Variants in AKAP9 observed in about 807,000 individuals in gnomAD.
The protein encoded by AKAP9 is A-kinase anchor protein 9.
AKAP9 carries 311 observed loss-of-function variants against 488.5 expected under a neutral mutation model. The ratio of observed to expected loss-of-function variants is 0.64; its 90% CI spans 0.58 to 0.70. AKAP9 has a LOEUF of 0.70. Among genes scored for constraint, AKAP9 ranks in the 30% least tolerant of loss-of-function variants. AKAP9 has a pLI of 0.00. For missense variants in AKAP9, 4,215 were observed against 4,374.5 expected, an observed-to-expected ratio of 0.96 and a Z score of 1.03; for synonymous variants, 1,462 against 1,483.5, an observed-to-expected ratio of 0.99 and a Z score of 0.33.
intron 12 of AKAP9, 89 bp from the exon 13 acceptor site, chr7:92,022,149 C>G: frequency 1.9e-6 from 2 of 1,030,470 alleles, no homozygotes; most frequent in Non-Finnish European, 1.5e-6. Flanking sequence ...TTTAAAAAAG[C>G]ATCTTAAATG....
chr7:91,955,831 G>A (rs150085255), intron 1 of AKAP9, among the ~76,000 whole-genome samples: 1,626 of 152,102 alleles, frequency 0.011, 25 homozygotes, highest in African/African-American at 0.037. Flanking sequence ...ACAGGGTCTC[G>A]CCGTGTTGGC....
intron 24 of AKAP9, chr7:92,063,456 T>C: frequency 1.0e-6 from 1 of 982,344 alleles, no homozygotes. Flanking sequence ...TTCTCTATTT[T>C]CCTAGGACTA....
Position 92,061,317 on chromosome 7 carries a change from CAAG to C in AKAP9, c.5663_5665del (p.Glu1888del), listed in dbSNP as rs2130821380. ...GATGCGTGAGTCATTTAGACAGAAA[CAAG>C]AAGCAACAGAGTCCCTTAAGTGCCA... On this transcript the variant is annotated inframe_deletion, in exon 23 of 50. Transcript: ENST00000356239. The C allele has an allele frequency of 6.2e-7, 1 of 1,612,942 alleles. No homozygotes were observed. The highest frequency in any genetic ancestry group is 1.7e-5 in the Admixed American group (1 of 59,896).
intron 1 of AKAP9, among the ~76,000 whole-genome samples, chr7:91,973,278 G>A (rs1795301806): frequency 6.6e-6 from 1 of 152,132 alleles, no homozygotes; most frequent in South Asian, 2.1e-4. Flanking sequence ...GCTACTTGGG[G>A]GCTGAAGTGG....
intron 4 of AKAP9, 82 bp from the exon 5 acceptor site, chr7:91,992,803 T>C: frequency 7.5e-7 from 1 of 1,334,332 alleles, no homozygotes; most frequent in East Asian, 2.4e-5. Flanking sequence ...AAGTGGACCT[T>C]GCTATGGATT....
At chr7:92,009,238 C>A (rs564077475) in intron 8 of AKAP9, among the ~76,000 whole-genome samples, 1 of 152,074 alleles carries the variant, frequency 6.6e-6, no homozygotes, top group South Asian at 2.1e-4. Flanking sequence ...AGAGTGAGAC[C>A]CTGTCTCTAA....
intron 1 of AKAP9, among the ~76,000 whole-genome samples, chr7:91,964,243 T>G (rs1307294601): frequency 6.6e-6 from 1 of 152,226 alleles, no homozygotes; most frequent in African/African-American, 2.4e-5. Context: ...GGATGTGAGT[T>G]TGAGTCCTGC....
At chr7:91,962,983 A>G (rs912235167) in intron 1 of AKAP9, among the ~76,000 whole-genome samples, 1 of 151,332 alleles carries the variant, frequency 6.6e-6, no homozygotes, top group Non-Finnish European at 1.5e-5. Flanking sequence ...TTGCTGTCTA[A>G]ATGTATTTTC....
At chr7:92,031,728 A>T (rs1804275052) in intron 16 of AKAP9, 124 bp downstream of exon 16, 2 of 725,370 alleles carry the variant, frequency 2.8e-6, no homozygotes, top group African/African-American at 1.8e-5. Context: ...TCTTTAAGTG[A>T]TTGGATAATA....
At chr7:91,999,211 A>G (rs764536499) in intron 7 of AKAP9, among the ~76,000 whole-genome samples, 4 of 151,992 alleles carry the variant, frequency 2.6e-5, no homozygotes, top group Admixed American at 1.3e-4. Context: ...AGATTTTTCA[A>G]AGTTAACGAG....
chr7:92,013,981 G>A (rs1801156172), intron 9 of AKAP9, among the ~76,000 whole-genome samples: 1 of 152,054 alleles, frequency 6.6e-6, no homozygotes, highest in Non-Finnish European at 1.5e-5. Flanking sequence ...TTACATAGAT[G>A]TATGTAATAG....
Position 92,108,652 on chromosome 7 carries a change from C to A in AKAP9, c.11686+19C>A, listed in dbSNP as rs752835883. 1 of 1,614,106 alleles carries A rather than the reference C, an allele frequency of 6.2e-7. No individual in the cohort carries two copies. The highest frequency in any genetic ancestry group is 1.1e-5 in the South Asian group (1 of 91,080). On this transcript the variant is annotated intron_variant, in intron 49 of 49. Transcript: ENST00000356239. The stretch of plus-strand genomic sequence containing the variant: ...CAGTCAGGTGCTCTGAGTTTAACCA[C>A]ATCTTGGCAGCACCACAGTGCGAGA...
chr7:92,076,889 G>A lies in AKAP9; in HGVS notation c.6647G>A (p.Arg2216Lys), dbSNP rs530887923. The A allele has an allele frequency of 1.3e-6, 2 of 1,500,286 alleles. No homozygotes were observed. Among genetic ancestry groups the A allele is most frequent in the South Asian group, 1.2e-5 (1 of 81,262 alleles). The allele number at this position is 1,500,286 out of a possible 1,614,324, so 92.9% of individuals were successfully genotyped here. A position where few individuals can be genotyped will look rare whatever the true frequency, so the allele number is the denominator to read the frequency against. The stretch of plus-strand genomic sequence containing the variant: ...TTAGAAGAGCAATTAGAACAGTTTA[G>A]AGAAGAACTGGAAAATAAGAATGAA... Reference protein sequence around the residue: ...TNLEEQLEQFREELENKNEEV... With the variant: ...TNLEEQLEQFKEELENKNEEV... Residue 2216 changes from arginine to lysine, a missense_variant, in exon 29 of 50, where the codon AGA (arginine) becomes AAA (lysine). Arg to Lys is a conservative substitution (Grantham distance 26). Coordinates refer to ENST00000356239, the MANE Select transcript of AKAP9 (RefSeq NM_005751.5).
chr7:92,075,746 A>G (rs1812480685), intron 28 of AKAP9, among the ~76,000 whole-genome samples: 1 of 152,238 alleles, frequency 6.6e-6, no homozygotes, highest in Non-Finnish European at 1.5e-5. Flanking sequence ...TGCAGTGCTT[A>G]GCGGTAAACT....
At chr7:92,006,620 G>T (rs749321954) in intron 8 of AKAP9, among the ~76,000 whole-genome samples, 1 of 152,108 alleles carries the variant, frequency 6.6e-6, no homozygotes, top group Non-Finnish European at 1.5e-5. Flanking sequence ...AGAAGAAATC[G>T]AGCAGTGACT....
intron 1 of AKAP9, among the ~76,000 whole-genome samples, chr7:91,957,986 A>G (rs1041409852): frequency 1.3e-5 from 2 of 152,186 alleles, no homozygotes; most frequent in Non-Finnish European, 2.9e-5. Context: ...TATGATCCCA[A>G]GGTCCTTCAG....
intron 30 of AKAP9, 62 bp downstream of exon 30, chr7:92,077,937 G>T: frequency 8.6e-7 from 1 of 1,156,112 alleles, no homozygotes; most frequent in Non-Finnish European, 1.2e-6. Context: ...GGGCAAAATG[G>T]TTATAATGTT....
At chr7:91,949,865 T>C (rs1791974075) in intron 1 of AKAP9, among the ~76,000 whole-genome samples, 1 of 152,208 alleles carries the variant, frequency 6.6e-6, no homozygotes, top group African/African-American at 2.4e-5. Context: ...TTGTTTTCAG[T>C]TACCATCAGA....
At chr7:91,984,701 G>A (rs1003666654) in intron 3 of AKAP9, among the ~76,000 whole-genome samples, 4 of 152,030 alleles carry the variant, frequency 2.6e-5, no homozygotes, top group African/African-American at 7.2e-5. Context: ...GATGGCATTC[G>A]ATCTATAAAT....
Sources: gnomAD v4.1 joint callset for allele counts (sites outside exome capture counted in the v4.1 genomes callset) on GRCh38, gnomAD v4.1.1 for gene constraint, MANE v1.5 for transcripts, NCBI Gene and HGNC (gene_info 2026-07-23, HGNC 2026-07-21) for gene names.